Variants in MYOM1 observed in about 807,000 individuals in gnomAD.
MYOM1 encodes the protein myomesin 1.
In MYOM1, 164 loss-of-function variants were observed where a neutral mutation model predicts 205.3. The observed-to-expected ratio is 0.80, with a 90% confidence interval of 0.70 to 0.91. The LOEUF is 0.91. Ranked by LOEUF, MYOM1 falls within the 40% of genes least tolerant of loss-of-function variation. MYOM1 has a pLI of 0.00. For missense variants in MYOM1, 2,011 were observed against 2,127.3 expected (o/e 0.95, Z 1.08); for synonymous variants, 772 against 789.4 (o/e 0.98, Z 0.37).
chr18:3,142,833 G>A (rs916032033), intron 13 of MYOM1, among the ~76,000 whole-genome samples: 2 of 152,174 alleles, frequency 1.3e-5, no homozygotes, highest in African/African-American at 4.8e-5. Flanking sequence ...CAGTGGAGTT[G>A]AGTTTATAGT....
intron 12 of MYOM1, among the ~76,000 whole-genome samples, chr18:3,150,527 A>G (rs1387627908): frequency 6.6e-6 from 1 of 152,152 alleles, no homozygotes; most frequent in African/African-American, 2.4e-5. Flanking sequence ...TAGTGGGTAG[A>G]GACAAGGGAT....
intron 10 of MYOM1, among the ~76,000 whole-genome samples, chr18:3,163,690 G>C (rs532583663): frequency 6.6e-6 from 1 of 152,260 alleles, no homozygotes; most frequent in South Asian, 2.1e-4. Flanking sequence ...CTGAGCTCAA[G>C]TGATCCACAC....
At chr18:3,106,254 A>C (rs961505542) in intron 22 of MYOM1, among the ~76,000 whole-genome samples, 1 of 152,210 alleles carries the variant, frequency 6.6e-6, no homozygotes, top group Non-Finnish European at 1.5e-5. Flanking sequence ...CCCCAGGATA[A>C]AGAGGGATAA....
the MYOM1 span, chr18:3,246,685 G>A: frequency 6.6e-6 from 1 of 152,274 alleles, no homozygotes; most frequent in Non-Finnish European, 1.5e-5. Context: ...GGATTCAAGT[G>A]GCGGCCTGCT....
intron 5 of MYOM1, among the ~76,000 whole-genome samples, chr18:3,181,270 C>T (rs2080726984): frequency 6.6e-6 from 1 of 152,100 alleles, no homozygotes; most frequent in Non-Finnish European, 1.5e-5. Context: ...AATGAGATTG[C>T]TGCTTATAAT....
chr18:3,119,612 C>A (rs888072242), intron 20 of MYOM1, among the ~76,000 whole-genome samples: 7 of 152,164 alleles, frequency 4.6e-5, no homozygotes, highest in African/African-American at 1.7e-4. Context: ...CTGTGCTAAT[C>A]CTACTCCTCG....
At chr18:3,129,557 C>A in intron 17 of MYOM1, 38 bp from the exon 18 acceptor site, 2 of 1,575,664 alleles carry the variant, frequency 1.3e-6, no homozygotes, top group East Asian at 2.2e-5. Flanking sequence ...GCATTGAGCC[C>A]GGACAGAGTA....
rs114610509 is a variant in MYOM1 at position 3,171,433 on chromosome 18, G to A, written c.1175-2452C>T. ...AAAGGCAAGTAGGTCCCCTAGAAAC[G>A]GACCTAACTTCTAGGTTCTCTTCTG... is the stretch of plus-strand genomic sequence containing the variant. On this transcript the variant is annotated intron_variant, in intron 8 of 37. Transcript: ENST00000356443. Among the ~76,000 whole-genome samples, 486 of 152,240 alleles carry A rather than the reference G, an allele frequency of 3.2e-3. 6 individuals carry two copies. The highest frequency in any genetic ancestry group is 0.011 in the African/African-American group (452 of 41,524).
At position 3,151,743 on chromosome 18, in the gene MYOM1, A is replaced by C; in HGVS notation, c.1794T>G (p.Val598=). 1 of 1,613,824 alleles carries C rather than the reference A, an allele frequency of 6.2e-7. No individual in the cohort carries two copies. The highest frequency in any genetic ancestry group is 1.1e-5 in the South Asian group (1 of 91,062). ...GATCCAGAGCAGCCACGGGCTCGGAAACTCGAGATGGGAAACCTATTCCCA... is the reference window on the plus strand; with the variant it reads ...GATCCAGAGCAGCCACGGGCTCGGACACTCGAGATGGGAAACCTATTCCCA... ...NKMGIGFPSR[V]SEPVAALDPA... The change falls in exon 12 of 38, where the codon GTT becomes GTG. Residue 598 remains valine (V), a synonymous_variant. Coordinates refer to ENST00000356443, the MANE Select transcript of MYOM1 (RefSeq NM_003803.4).
At chr18:3,100,469 A>G in intron 23 of MYOM1, 43 bp from the exon 24 acceptor site, 1 of 1,435,144 alleles carries the variant, frequency 7.0e-7, no homozygotes, top group Non-Finnish European at 9.7e-7. Flanking sequence ...GCTGTGTGGG[A>G]TCTGTGGGCC....
chr18:3,228,249 T>C, the MYOM1 span, among the ~76,000 whole-genome samples: 555 of 152,308 alleles, frequency 3.6e-3, 7 homozygotes, highest in African/African-American at 0.011. This position sits in a 1 kb window ranked among gnomAD's most constrained non-coding sequence, Gnocchi z 4.5. Flanking sequence ...GAATATTTCA[T>C]CATGAGCATT....
chr18:3,195,809 A>T (rs1567962813), intron 2 of MYOM1, among the ~76,000 whole-genome samples: 1 of 151,808 alleles, frequency 6.6e-6, no homozygotes, highest in Non-Finnish European at 1.5e-5. Context: ...GTGCCATAAT[A>T]TGAGTATTCC....
chr18:3,072,973 ATTTTTTTTTT>A (rs770278592), intron 36 of MYOM1, among the ~76,000 whole-genome samples: 3 of 102,440 alleles, frequency 2.9e-5, no homozygotes, highest in Non-Finnish European at 5.6e-5. Context: ...AGATGTAAGC[ATTTTTTTTTT>A]TTTTTTTTTT....
chr18:3,113,573 T>C (rs930180247), intron 21 of MYOM1, among the ~76,000 whole-genome samples: 6 of 152,112 alleles, frequency 3.9e-5, no homozygotes, highest in African/African-American at 1.4e-4. Context: ...GCTCAAGCAA[T>C]TTTCCCACCT....
In MYOM1 at chr18:3,090,661, C is replaced by A. The variant is rs752281013; in HGVS notation, c.4006G>T (p.Asp1336Tyr). ...TNHSTVVLVG[D>Y]VFKKLQKEAE... Reference sequence around the variant, plus strand: ...TAATGTTCCACGGAATTCTTACCATCTCCAACGAGAACAACAGTAGAATGG... The same window carrying A: ...TAATGTTCCACGGAATTCTTACCATATCCAACGAGAACAACAGTAGAATGG... The change falls in exon 27 of 38, where the codon GAT (aspartate) becomes TAT (tyrosine). Residue 1336 changes from aspartate (D) to tyrosine (Y), a missense_variant. Physicochemically the swap from Asp to Tyr is radical, Grantham distance 160 (BLOSUM62 -3). Coordinates refer to ENST00000356443, the MANE Select transcript of MYOM1 (RefSeq NM_003803.4). 6.2e-7 allele frequency: 1 copy of A among 1,613,954 alleles called. No individual in the cohort carries two copies. The highest frequency in any genetic ancestry group is 8.5e-7 in the Non-Finnish European group (1 of 1,179,864).
chr18:3,115,887 G>T (rs1309187285), intron 21 of MYOM1, among the ~76,000 whole-genome samples: 1 of 152,222 alleles, frequency 6.6e-6, no homozygotes, highest in Middle Eastern at 3.4e-3. Flanking sequence ...AGGAGGTAAC[G>T]TGAGACAGGA....
chr18:3,215,072 G>A lies in MYOM1; in HGVS notation c.152C>T (p.Ser51Phe). 6.2e-7 allele frequency: 1 copy of A among 1,613,634 alleles called. No individual in the cohort carries two copies. Among genetic ancestry groups the A allele is most frequent in the South Asian group, 1.1e-5 (1 of 91,078 alleles). ...QGSTAYSSRS[S>F]AAHRRESEAF... ...CTCGGACTCCCGGCGGTGCGCGGCGGAGGAGCGGCTGCTGTAGGCCGTGGA... is the reference window on the plus strand; with the variant it reads ...CTCGGACTCCCGGCGGTGCGCGGCGAAGGAGCGGCTGCTGTAGGCCGTGGA... Residue 51 changes from serine to phenylalanine, a missense_variant, in exon 2 of 38, where the codon TCC becomes TTC. Physicochemically the swap from Ser to Phe is radical, Grantham distance 155. Coordinates refer to ENST00000356443, the MANE Select transcript of MYOM1 (RefSeq NM_003803.4).
intron 26 of MYOM1, among the ~76,000 whole-genome samples, chr18:3,092,355 C>A (rs551710523): frequency 1.3e-5 from 2 of 152,020 alleles, no homozygotes; most frequent in East Asian, 3.9e-4. Context: ...TATGCCTCAC[C>A]AATTTTTAAA....
At chr18:3,173,627 A>C (rs2080592360) in intron 8 of MYOM1, among the ~76,000 whole-genome samples, 1 of 141,234 alleles carries the variant, frequency 7.1e-6, no homozygotes. Flanking sequence ...TGTTTGGTTA[A>C]GTCGTTCTGC....
Sources: gnomAD v4.1 joint callset for allele counts (sites outside exome capture counted in the v4.1 genomes callset) on GRCh38, gnomAD v4.1.1 for gene constraint, Gnocchi (gnomAD v3.1) non-coding constraint, MANE v1.5 for transcripts, NCBI Gene and HGNC (gene_info 2026-07-23, HGNC 2026-07-21) for gene names.